The following PALD1 variants were observed in gnomAD, a reference collection of about 807,000 sequenced individuals.
PALD1 encodes paladin.
PALD1 carries 57 observed loss-of-function variants against 96.0 expected under a neutral mutation model. The observed-to-expected ratio is 0.59, with a 90% CI of 0.48 to 0.74. The LOEUF (loss-of-function observed/expected upper bound fraction) is 0.74, where lower values mean the gene tolerates loss of function less well. PALD1 is among the 30% of genes least tolerant of loss of function. The probability of loss-of-function intolerance (pLI) is 0.00; values close to 1 mark genes in which losing one functional copy is unlikely to be tolerated. For missense variants in PALD1, 1,063 were observed against 1,143.7 expected (o/e 0.93, Z 1.02); for synonymous variants, 464 against 473.6 (o/e 0.98, Z 0.26).
At chr10:70,520,685 C>CTTTTTTTTTTTTTTTTTTTT (rs10545684) in intron 1 of PALD1, among the ~76,000 whole-genome samples, 9 of 87,680 alleles carry the variant, frequency 1.0e-4, no homozygotes, top group South Asian at 5.3e-4. Context: ...TTCTTTCTTT[C>CTTTTTTTTTTTTTTTTTTTT]TTTTTTTTTT....
intron 18 of PALD1, among the ~76,000 whole-genome samples, chr10:70,555,230 C>T (rs756192034): frequency 3.0e-4 from 45 of 151,534 alleles, no homozygotes; most frequent in Non-Finnish European, 6.5e-4. Flanking sequence ...GAGCCTCGGC[C>T]TCCCACAGTG....
chr10:70,486,762 AAAAAC>A (rs548242645), intron 1 of PALD1, among the ~76,000 whole-genome samples: 1 of 152,124 alleles, frequency 6.6e-6, no homozygotes, highest in African/African-American at 2.4e-5. Flanking sequence ...TTCTGTCTCA[AAAAAC>A]AAAACAAAAC....
chr10:70,526,347 C>T (rs112477177), intron 2 of PALD1, among the ~76,000 whole-genome samples: 1 of 152,182 alleles, frequency 6.6e-6, no homozygotes, highest in African/African-American at 2.4e-5. Context: ...GGTCTCTGAG[C>T]CCATGCTACT....
chr10:70,459,778 C>A, the PALD1 span, among the ~76,000 whole-genome samples: 4 of 152,158 alleles, frequency 2.6e-5, no homozygotes, highest in Non-Finnish European at 1.5e-5. Flanking sequence ...CTGGAAAGCT[C>A]GGAGCCCTGC....
Position 70,526,086 on chromosome 10 carries a change from C to T in PALD1, c.135C>T (p.Asn45=). The change falls in exon 2 of 20, where the codon AAC becomes AAT. Residue 45 remains asparagine (N), a synonymous_variant. Coordinates refer to ENST00000263563, the MANE Select transcript of PALD1 (RefSeq NM_014431.3). The stretch of plus-strand genomic sequence containing the variant: ...CCTTCCAGAGCACTAGCTTGCATAA[C>T]AGCAAGGCCAAGTCCATCATCCCCA... ...IHSFQSTSLH[N]SKAKSIIPNK... 5 of 1,614,234 alleles carry T rather than the reference C, an allele frequency of 3.1e-6. No individual in the cohort carries two copies. Among genetic ancestry groups the T allele is most frequent in the Non-Finnish European group, 4.2e-6 (5 of 1,180,020 alleles).
At chr10:70,470,771 G>C in the PALD1 span, among the ~76,000 whole-genome samples, 2 of 150,486 alleles carry the variant, frequency 1.3e-5, no homozygotes, top group African/African-American at 2.4e-5. Context: ...ACCACGCCCA[G>C]GAAATTTTTG....
chr10:70,480,943 C>G (rs1181422468), intron 1 of PALD1, among the ~76,000 whole-genome samples: 1 of 152,160 alleles, frequency 6.6e-6, no homozygotes, highest in Non-Finnish European at 1.5e-5. Context: ...GCAAACAACC[C>G]AGGGACACAG....
upstream of PALD1, among the ~76,000 whole-genome samples, chr10:70,478,300 G>A (rs1302451857): frequency 6.6e-6 from 1 of 152,216 alleles, no homozygotes; most frequent in African/African-American, 2.4e-5. Context: ...CGGCCGCACT[G>A]CACAGCGAGG....
chr10:70,507,789 GT>G lies in PALD1; in HGVS notation c.-29-18133del, dbSNP rs1564690098. Reference sequence around the variant, plus strand: ...TGTGTGTGTGTGTGTGTGTGTGTGTGTGGTGTATGTATGTGTTCGTAGAGAT... The same window carrying G: ...TGTGTGTGTGTGTGTGTGTGTGTGTGGGTGTATGTATGTGTTCGTAGAGAT... On this transcript the variant is annotated intron_variant, in intron 1 of 19. Transcript: ENST00000263563. 3.1e-4 allele frequency among the ~76,000 whole-genome samples: 46 copies of G among 146,320 alleles called. No individual in the cohort carries two copies. In the Middle Eastern group the frequency reaches 0.014, roughly 45 times the overall value.
chr10:70,493,350 G>T (rs771957254), intron 1 of PALD1, among the ~76,000 whole-genome samples: 10 of 152,234 alleles, frequency 6.6e-5, no homozygotes, highest in Non-Finnish European at 1.2e-4. Flanking sequence ...CACCCGTGAA[G>T]GAGGTCTGTG....
intron 18 of PALD1, among the ~76,000 whole-genome samples, chr10:70,555,427 G>T (rs1282789908): frequency 6.6e-6 from 1 of 152,188 alleles, no homozygotes; most frequent in African/African-American, 2.4e-5. Context: ...CCAGAAGCTG[G>T]TTCCCAACTC....
intron 18 of PALD1, among the ~76,000 whole-genome samples, chr10:70,554,249 T>A (rs11591394): frequency 6.6e-6 from 1 of 151,948 alleles, no homozygotes; most frequent in African/African-American, 2.4e-5. Context: ...GCCAACATGG[T>A]GAAACCCTGT....
chr10:70,565,273 G>A (rs1301677476), intron 19 of PALD1, among the ~76,000 whole-genome samples: 14 of 152,290 alleles, frequency 9.2e-5, no homozygotes, highest in Admixed American at 8.5e-4. Flanking sequence ...CTTGCTGTCC[G>A]GCCTCCTGGA....
At chr10:70,510,619 T>A (rs1846493750) in intron 1 of PALD1, among the ~76,000 whole-genome samples, 1 of 152,154 alleles carries the variant, frequency 6.6e-6, no homozygotes, top group Non-Finnish European at 1.5e-5. Flanking sequence ...CCTCTGCTCC[T>A]TCCTGAAAGA....
chr10:70,505,200 A>G (rs961205439), intron 1 of PALD1, among the ~76,000 whole-genome samples: 1 of 152,220 alleles, frequency 6.6e-6, no homozygotes, highest in African/African-American at 2.4e-5. Flanking sequence ...CCAAAATTCT[A>G]ATTTTCCCTT....
chr10:70,477,199 G>C (rs1331081209), upstream of PALD1, among the ~76,000 whole-genome samples: 1 of 152,138 alleles, frequency 6.6e-6, no homozygotes, highest in Non-Finnish European at 1.5e-5. Flanking sequence ...TGGGGCTGTG[G>C]CAAGAGGAAG....
At position 70,529,243 on chromosome 10, in the gene PALD1, A is replaced by C; in HGVS notation, c.200A>C (p.Glu67Ala). 4 of 741,816 alleles carry C rather than the reference A, an allele frequency of 5.4e-6. No homozygotes were observed. Among genetic ancestry groups the C allele is most frequent in the Non-Finnish European group, 8.3e-6 (4 of 480,192 alleles). 46.0% of individuals were successfully genotyped at this position (741,816 alleles called of 1,614,324 possible). The change falls in exon 3 of 20, where the codon GAG (glutamate) becomes GCG (alanine). Residue 67 changes from glutamate to alanine, a missense_variant. Transcript: ENST00000263563. ...APVVITYNCK[E>A]EFQIHDELLK... ...CCCCCCCCCAGGTACAACTGCAAGG[A>C]GGAGTTCCAGATCCATGATGAGCTG... is the stretch of plus-strand genomic sequence containing the variant.
chr10:70,468,661 G>C, the PALD1 span, among the ~76,000 whole-genome samples: 1 of 151,744 alleles, frequency 6.6e-6, no homozygotes, highest in Non-Finnish European at 1.5e-5. Flanking sequence ...GGGGTGTAGT[G>C]GGCAGAGCAC....
At chr10:70,550,322 C>T (rs1176404659) in intron 18 of PALD1, among the ~76,000 whole-genome samples, 1 of 152,184 alleles carries the variant, frequency 6.6e-6, no homozygotes, top group Non-Finnish European at 1.5e-5. Flanking sequence ...CGGCCCCCAG[C>T]TTTAGTGGGC....
Sources: gnomAD v4.1 joint callset for allele counts (sites outside exome capture counted in the v4.1 genomes callset) on GRCh38, gnomAD v4.1.1 for gene constraint, MANE v1.5 for transcripts, NCBI Gene and HGNC (gene_info 2026-07-23, HGNC 2026-07-21) for gene names.